The following PTPRM variants were observed in gnomAD, a reference collection of about 807,000 sequenced individuals.
PTPRM encodes receptor-type tyrosine-protein phosphatase mu.
Under a neutral mutation model 186.7 loss-of-function variants are expected in PTPRM, and 47 were observed. The ratio of observed to expected loss-of-function variants is 0.25; its 90% CI spans 0.20 to 0.32. PTPRM has a LOEUF of 0.32. Ranked by LOEUF, PTPRM falls within the 10% of genes least tolerant of loss-of-function variation. The probability of loss-of-function intolerance (pLI) is 1.00; values close to 1 mark genes in which losing one functional copy is unlikely to be tolerated. For synonymous variants in PTPRM, 668 were observed against 674.9 expected, an observed-to-expected ratio of 0.99 and a Z score of 0.16; for missense variants, 1,494 against 1,865.0, an observed-to-expected ratio of 0.80 and a Z score of 3.66.
intron 1 of PTPRM, among the ~76,000 whole-genome samples, chr18:7,586,642 A>G (rs2036987257): frequency 6.6e-6 from 1 of 152,286 alleles, no homozygotes; most frequent in Non-Finnish European, 1.5e-5. Context: ...TATATTCAAT[A>G]AAAGAATGTT....
chr18:7,579,617 G>T (rs756569834), intron 1 of PTPRM, among the ~76,000 whole-genome samples: 1 of 152,166 alleles, frequency 6.6e-6, no homozygotes, highest in African/African-American at 2.4e-5. Flanking sequence ...AGTAAATGTG[G>T]CATCACTCTG....
chr18:7,824,541 G>A (rs2045382166), intron 2 of PTPRM, among the ~76,000 whole-genome samples: 2 of 152,032 alleles, frequency 1.3e-5, no homozygotes, highest in Non-Finnish European at 2.9e-5. Flanking sequence ...CTTGTAACTT[G>A]AAGGGTTTCC....
At chr18:8,173,885 A>G (rs2093442476) in intron 14 of PTPRM, among the ~76,000 whole-genome samples, 1 of 152,192 alleles carries the variant, frequency 6.6e-6, no homozygotes, top group Non-Finnish European at 1.5e-5. Flanking sequence ...CCTGGCCAAC[A>G]TGGCAAAACC....
At chr18:7,659,117 TACACACACACAC>T (rs10541547) in intron 1 of PTPRM, among the ~76,000 whole-genome samples, 20 of 144,018 alleles carry the variant, frequency 1.4e-4, no homozygotes, top group African/African-American at 2.3e-4. Context: ...CACATGTATG[TACACACACACAC>T]ACACACACAC....
At chr18:7,806,987 T>C (rs1429924077) in intron 2 of PTPRM, among the ~76,000 whole-genome samples, 3 of 152,224 alleles carry the variant, frequency 2.0e-5, no homozygotes, top group Non-Finnish European at 4.4e-5. Context: ...CCACCTCCCT[T>C]TGGGGTAGCT....
At chr18:8,094,166 C>G (rs2090898816) in intron 11 of PTPRM, among the ~76,000 whole-genome samples, 1 of 151,960 alleles carries the variant, frequency 6.6e-6, no homozygotes, top group African/African-American at 2.4e-5. Context: ...TTTTGAGAAA[C>G]AAAAAACTTA....
chr18:7,991,769 G>C (rs1325537502), intron 7 of PTPRM, among the ~76,000 whole-genome samples: 1 of 152,026 alleles, frequency 6.6e-6, no homozygotes, highest in Non-Finnish European at 1.5e-5. Flanking sequence ...CATGGTTTCT[G>C]ATTCCCAGAA....
intron 1 of PTPRM, among the ~76,000 whole-genome samples, chr18:7,762,394 G>T (rs766814515): frequency 2.0e-5 from 3 of 152,092 alleles, no homozygotes; most frequent in Admixed American, 6.5e-5. Context: ...ATATGGGCAG[G>T]AGGATCATTG....
chr18:8,176,035 A>T (rs965114211), intron 14 of PTPRM, among the ~76,000 whole-genome samples: 4 of 152,228 alleles, frequency 2.6e-5, no homozygotes, highest in African/African-American at 9.6e-5. Context: ...TTGCATTGCT[A>T]ACTGAGAGAA....
chr18:7,804,870 G>A (rs576442080), intron 2 of PTPRM, among the ~76,000 whole-genome samples: 1 of 152,220 alleles, frequency 6.6e-6, no homozygotes, highest in South Asian at 2.1e-4. Context: ...AAATACAGAT[G>A]TTCATTAGAA....
chr18:7,617,338 G>T (rs993904615), intron 1 of PTPRM, among the ~76,000 whole-genome samples: 2 of 152,150 alleles, frequency 1.3e-5, no homozygotes, highest in Admixed American at 1.3e-4. Context: ...TTCAGGTCTT[G>T]CTGCAGTGTC....
chr18:7,778,553 C>T (rs75990971), intron 2 of PTPRM, among the ~76,000 whole-genome samples: 2,360 of 152,250 alleles, frequency 0.016, 29 homozygotes, highest in Non-Finnish European at 0.023. Context: ...CCTCTGCAGC[C>T]TCCCACTACC....
At chr18:7,696,163 G>A (rs770805079) in intron 1 of PTPRM, among the ~76,000 whole-genome samples, 2 of 151,964 alleles carry the variant, frequency 1.3e-5, no homozygotes, top group Non-Finnish European at 2.9e-5. Context: ...GCCTTTTCAG[G>A]GTTTTTTCTT....
chr18:7,592,130 G>T (rs2037142373), intron 1 of PTPRM, among the ~76,000 whole-genome samples: 1 of 152,094 alleles, frequency 6.6e-6, no homozygotes, highest in Admixed American at 6.5e-5. Context: ...AGATACTGTA[G>T]TTCTGTTAAG....
At chr18:7,578,387 G>A (rs1271122848) in intron 1 of PTPRM, among the ~76,000 whole-genome samples, 1 of 147,128 alleles carries the variant, frequency 6.8e-6, no homozygotes, top group Non-Finnish European at 1.5e-5. Flanking sequence ...CCAGGCTGGA[G>A]TACAATGGCG....
intron 1 of PTPRM, among the ~76,000 whole-genome samples, chr18:7,740,881 G>T (rs957200581): frequency 4.6e-5 from 7 of 152,178 alleles, no homozygotes; most frequent in African/African-American, 1.7e-4. Context: ...GGCATTATTA[G>T]ATTAATTTAT....
chr18:8,295,065 C>T (rs766229489), intron 19 of PTPRM, among the ~76,000 whole-genome samples: 1 of 152,194 alleles, frequency 6.6e-6, no homozygotes, highest in Non-Finnish European at 1.5e-5. Flanking sequence ...CACATAGCTC[C>T]CACTCTCAGG....
At chr18:7,602,831 T>G (rs536798491) in intron 1 of PTPRM, among the ~76,000 whole-genome samples, 2 of 149,054 alleles carry the variant, frequency 1.3e-5, no homozygotes, top group African/African-American at 2.4e-5. Context: ...ATATATATAT[T>G]TCAATACTTG....
chr18:7,951,324 C>A (rs1360026180), intron 6 of PTPRM, among the ~76,000 whole-genome samples: 5 of 152,050 alleles, frequency 3.3e-5, no homozygotes, highest in African/African-American at 4.8e-5. Flanking sequence ...CATCTTGGTT[C>A]ATTTGTTTTT....
Sources: gnomAD v4.1 joint callset for allele counts (sites outside exome capture counted in the v4.1 genomes callset) on GRCh38, gnomAD v4.1.1 for gene constraint, MANE v1.5 for transcripts, NCBI Gene and HGNC (gene_info 2026-07-23, HGNC 2026-07-21) for gene names.